The following PRUNE2 variants were observed in gnomAD, a reference collection of about 807,000 sequenced individuals.
PRUNE2 encodes the protein protein prune homolog 2.
PRUNE2 carries 164 observed loss-of-function variants against 252.0 expected under a neutral mutation model. The ratio of observed to expected loss-of-function variants is 0.65; its 90% CI spans 0.57 to 0.74. The LOEUF is 0.74. Among genes scored for constraint, PRUNE2 ranks in the 30% least tolerant of loss-of-function variants. The probability of loss-of-function intolerance (pLI) is 0.00; values close to 1 mark genes in which losing one functional copy is unlikely to be tolerated. For synonymous variants in PRUNE2, 1,292 were observed against 1,350.2 expected (o/e 0.96, Z 0.94); for missense variants, 3,495 against 3,711.0 (o/e 0.94, Z 1.51).
intron 9 of PRUNE2, among the ~76,000 whole-genome samples, chr9:76,697,049 C>T (rs2045458868): frequency 6.6e-6 from 1 of 152,236 alleles, no homozygotes; most frequent in Admixed American, 6.5e-5. Flanking sequence ...CACTTTCTTG[C>T]TGTGCCCCTG....
At chr9:76,812,118 A>G (rs771505269) in intron 6 of PRUNE2, among the ~76,000 whole-genome samples, 2 of 152,070 alleles carry the variant, frequency 1.3e-5, no homozygotes, top group Non-Finnish European at 2.9e-5. Flanking sequence ...GAGGAAAATG[A>G]TAATCCAGGA....
chr9:76,757,269 C>T (rs1244596229), intron 6 of PRUNE2, among the ~76,000 whole-genome samples: 2 of 152,130 alleles, frequency 1.3e-5, no homozygotes, highest in African/African-American at 4.8e-5. Flanking sequence ...CTACTCCCAC[C>T]TCATTCAATG....
chr9:76,867,715 C>T (rs375301321), intron 1 of PRUNE2, among the ~76,000 whole-genome samples: 213 of 152,144 alleles, frequency 1.4e-3, no homozygotes, highest in African/African-American at 4.7e-3. Flanking sequence ...ATTACAGGCG[C>T]GTGCCACCAT....
intron 6 of PRUNE2, among the ~76,000 whole-genome samples, chr9:76,730,777 C>A (rs1020387081): frequency 6.6e-6 from 1 of 152,180 alleles, no homozygotes; most frequent in Non-Finnish European, 1.5e-5. Context: ...GTGGCACACG[C>A]CTGTAATCCC....
intron 9 of PRUNE2, among the ~76,000 whole-genome samples, chr9:76,661,786 G>T (rs1257257654): frequency 6.6e-6 from 1 of 151,920 alleles, no homozygotes; most frequent in Non-Finnish European, 1.5e-5. Context: ...AAATTAATTT[G>T]AAAAGAAATA....
rs561970 is a variant in PRUNE2 at position 76,703,761 on chromosome 9, T to C, written c.7852A>G (p.Ser2618Gly). 1,247,835 of 1,613,272 alleles carry C rather than the reference T, an allele frequency of 0.77. 484,571 individuals are homozygous for C. The highest frequency in any genetic ancestry group is 0.96 in the East Asian group (42,844 of 44,862). Residue 2618 changes from serine (S) to glycine (G), a missense_variant, in exon 9 of 19, where the codon AGC becomes GGC. Physicochemically the swap from Ser to Gly is moderately conservative, Grantham distance 56. Coordinates refer to ENST00000376718, the MANE Select transcript of PRUNE2 (RefSeq NM_015225.3). ...CTTTCAAAAGATGATCTCGTATCGC[T>C]TTTAGAAGACATTTTCTCTGCAGAG... is the stretch of plus-strand genomic sequence containing the variant. ...GLSAEKMSSK[S>G]DTRSSFESPA...
chr9:76,872,642 C>CAT (rs2061281603), intron 1 of PRUNE2, among the ~76,000 whole-genome samples: 2 of 150,992 alleles, frequency 1.3e-5, no homozygotes, highest in African/African-American at 4.9e-5. Context: ...CACACACACA[C>CAT]ACCCTCACAC....
At position 76,710,264 on chromosome 9, in the gene PRUNE2, C is replaced by T. The variant is rs772611947; in HGVS notation, c.2010G>A (p.Ala670=). The T allele has an allele frequency of 2.4e-5, 39 of 1,613,852 alleles. No individual in the cohort carries two copies. Among genetic ancestry groups the T allele is most frequent in the African/African-American group, 8.0e-5 (6 of 74,904 alleles). ...LEIDSKNIAD[A]WSSSEQESVF... ...CAGATTCCTGTTCACTGGAACTCCA[C>T]GCATCTGCAATATTTTTGGAGTCAA... Residue 670 remains alanine, a synonymous_variant, in exon 8 of 19, where the codon GCG becomes GCA. Coordinates refer to ENST00000376718, the MANE Select transcript of PRUNE2 (RefSeq NM_015225.3).
chr9:76,711,589 A>T (rs615187), intron 7 of PRUNE2, among the ~76,000 whole-genome samples: 120,674 of 152,184 alleles, frequency 0.79, 48,056 homozygotes, highest in East Asian at 0.94. Flanking sequence ...TCGATTTTGA[A>T]GGCTCCTGAA....
At chr9:76,779,335 C>T (rs567513441) in intron 6 of PRUNE2, among the ~76,000 whole-genome samples, 3 of 151,692 alleles carry the variant, frequency 2.0e-5, no homozygotes, top group South Asian at 2.1e-4. Context: ...GATTAAGGCT[C>T]TTTGTGGGGA....
chr9:76,770,738 G>A (rs556528666), intron 6 of PRUNE2, among the ~76,000 whole-genome samples: 1 of 152,180 alleles, frequency 6.6e-6, no homozygotes, highest in East Asian at 1.9e-4. Context: ...TTAACCAAGA[G>A]CAGCTCAGTC....
At chr9:76,713,778 T>G in intron 6 of PRUNE2, 57 bp from the exon 7 acceptor site, 3 of 1,313,770 alleles carry the variant, frequency 2.3e-6, no homozygotes, top group Non-Finnish European at 3.2e-6. Context: ...TGCGGGGAGT[T>G]GTTCCACAAA....
chr9:76,724,704 CCAAT>C (rs1448861705), intron 6 of PRUNE2, among the ~76,000 whole-genome samples: 1 of 152,110 alleles, frequency 6.6e-6, no homozygotes, highest in Non-Finnish European at 1.5e-5. Context: ...AGTTTCACAA[CCAAT>C]CAAAGACAAA....
chr9:76,825,506 C>A (rs2058294488), intron 5 of PRUNE2, among the ~76,000 whole-genome samples: 1 of 152,240 alleles, frequency 6.6e-6, no homozygotes, highest in Non-Finnish European at 1.5e-5. Context: ...TTGCCTCAGG[C>A]TCTGCCCCCT....
intron 1 of PRUNE2, among the ~76,000 whole-genome samples, chr9:76,860,386 TAC>T (rs2060484720): frequency 6.6e-6 from 1 of 152,188 alleles, no homozygotes; most frequent in Admixed American, 6.5e-5. Context: ...TATTTACAAG[TAC>T]AGTTTCCATT....
At chr9:76,682,362 CTT>C (rs34870489) in intron 9 of PRUNE2, among the ~76,000 whole-genome samples, 4 of 136,076 alleles carry the variant, frequency 2.9e-5, no homozygotes, top group Admixed American at 1.5e-4. Context: ...TCACTATTAA[CTT>C]TTTTTTTTTT....
At chr9:76,851,424 T>C (rs978903295) in intron 2 of PRUNE2, among the ~76,000 whole-genome samples, 6 of 152,210 alleles carry the variant, frequency 3.9e-5, no homozygotes, top group African/African-American at 1.4e-4. Context: ...GGCAGGTATC[T>C]GTAGTCCCAG....
chr9:76,815,361 T>G (rs568593703), intron 6 of PRUNE2, among the ~76,000 whole-genome samples: 1 of 152,316 alleles, frequency 6.6e-6, no homozygotes, highest in South Asian at 2.1e-4. Context: ...CATTTATTTC[T>G]TATAGTTCTA....
At chr9:76,756,313 C>T (rs555164301) in intron 6 of PRUNE2, among the ~76,000 whole-genome samples, 40 of 152,306 alleles carry the variant, frequency 2.6e-4, no homozygotes, top group Admixed American at 4.6e-4. Context: ...TGCATGAAAA[C>T]GTCTCTGTAT....
Sources: allele counts gnomAD v4.1 joint callset (sites outside exome capture counted in the v4.1 genomes callset), GRCh38; gene constraint gnomAD v4.1.1; transcripts MANE v1.5; gene names NCBI Gene and HGNC (gene_info 2026-07-23, HGNC 2026-07-21).